Variants in EBF3 observed in about 807,000 individuals in gnomAD.
EBF3 encodes the protein EBF transcription factor 3.
Under a neutral mutation model 77.1 loss-of-function variants are expected in EBF3, and 18 were observed. The ratio of observed to expected loss-of-function variants is 0.23; its 90% CI spans 0.16 to 0.35. The LOEUF is 0.35. Among genes scored for constraint, EBF3 ranks in the 10% least tolerant of loss-of-function variants. The pLI, the probability that EBF3 is intolerant of heterozygous loss-of-function variation, is 1.00. For missense variants in EBF3, 558 were observed against 860.0 expected (o/e 0.65, Z 4.39); for synonymous variants, 350 against 343.5 (o/e 1.02, Z -0.21).
rs1386052306 is a variant in EBF3 at position 129,935,581 on chromosome 10, C to T, written c.554+21677G>A. On this transcript the variant is annotated intron_variant, in intron 6 of 16. Coordinates refer to ENST00000440978, the MANE Select transcript of EBF3 (RefSeq NM_001375380.1). This position sits in a 1 kb window ranked among gnomAD's most constrained non-coding sequence, Gnocchi z 4.2. Reference sequence around the variant, plus strand: ...TAAGGCATGGGGTTAGATACATGCACCCCACAAGGCTGGCGGGCAGCAGGC... The same window carrying T: ...TAAGGCATGGGGTTAGATACATGCATCCCACAAGGCTGGCGGGCAGCAGGC... Among the ~76,000 whole-genome samples, 1 of 152,194 alleles carries T rather than the reference C, an allele frequency of 6.6e-6. No homozygotes were observed. Among genetic ancestry groups the T allele is most frequent in the African/African-American group, 2.4e-5 (1 of 41,466 alleles).
In EBF3 at chr10:129,941,613, C is replaced by T. The variant is rs115125523; in HGVS notation, c.554+15645G>A. ...AGGCCCAAAGCGCTGGGCACTCTGG[C>T]GGCGGTGGAGGTGAGCAGGCAGAGG... On this transcript the variant is annotated intron_variant, in intron 6 of 16. Transcript: ENST00000440978. Among the ~76,000 whole-genome samples the T allele has an allele frequency of 5.7e-3, 865 of 152,254 alleles. 11 individuals carry two copies. The highest frequency in any genetic ancestry group is 0.017 in the African/African-American group (686 of 41,556).
rs1590037851 is a variant in EBF3, at chr10:129,842,039, C to G, written c.1372+77G>C. 3.8e-6 allele frequency: 6 copies of G among 1,583,912 alleles called. No homozygotes were observed. The East Asian group carries it at 1.3e-4, about 35-fold the overall frequency. ...GACATTCCCCAGCTGGCCCTGGACA[C>G]GTGCCTCTTCAGCTAAGGCCTCAAC... On this transcript the variant is annotated intron_variant, in intron 13 of 16. Transcript: ENST00000440978. This position sits in a 1 kb window ranked among gnomAD's most constrained non-coding sequence, Gnocchi z 4.4.
chr10:129,868,709 G>T (rs1022611957), intron 8 of EBF3, among the ~76,000 whole-genome samples: 3 of 152,220 alleles, frequency 2.0e-5, no homozygotes, highest in African/African-American at 7.2e-5. Context: ...GTCCCAGCAC[G>T]GTGCCCTCGG....
intron 6 of EBF3, among the ~76,000 whole-genome samples, chr10:129,934,385 C>T (rs891313472): frequency 6.6e-6 from 1 of 152,144 alleles, no homozygotes; most frequent in Non-Finnish European, 1.5e-5. Flanking sequence ...AACTTGGGGT[C>T]AGGCGTCATC....
At chr10:129,882,854 A>G (rs1853301893) in intron 6 of EBF3, among the ~76,000 whole-genome samples, 1 of 152,202 alleles carries the variant, frequency 6.6e-6, no homozygotes, top group Non-Finnish European at 1.5e-5. Flanking sequence ...TGGGTAATTA[A>G]TACAGCCCAT....
At chr10:129,899,713 G>A (rs867952312) in intron 6 of EBF3, among the ~76,000 whole-genome samples, 1 of 152,040 alleles carries the variant, frequency 6.6e-6, no homozygotes, top group Non-Finnish European at 1.5e-5. Flanking sequence ...CGCCAGCACC[G>A]TGCGTGAAAA....
chr10:129,890,197 T>C (rs1197985132), intron 6 of EBF3, among the ~76,000 whole-genome samples: 2 of 152,322 alleles, frequency 1.3e-5, no homozygotes, highest in African/African-American at 4.8e-5. Flanking sequence ...AGTGGTGTCA[T>C]CTTGCAGTGC....
intron 6 of EBF3, among the ~76,000 whole-genome samples, chr10:129,909,996 A>G (rs1387945472): frequency 6.6e-6 from 1 of 152,232 alleles, no homozygotes; most frequent in Non-Finnish European, 1.5e-5. Flanking sequence ...GGCTCTGCTC[A>G]GCGCCGATGA....
In EBF3 at chr10:129,957,338, T is replaced by A. The variant is rs1452679706; in HGVS notation, c.486-12A>T. 6.3e-7 allele frequency: 1 copy of A among 1,599,692 alleles called. No individual in the cohort carries two copies. The highest frequency in any genetic ancestry group is 1.3e-5 in the African/African-American group (1 of 74,322). ...TGTCACAGCACCGGCTGTGGAGCAA[T>A]TGTAAACAGTGGTTTTAATATGCAT... On this transcript the variant is annotated splice_polypyrimidine_tract_variant and intron_variant, in intron 5 of 16. Transcript: ENST00000440978.
intron 6 of EBF3, among the ~76,000 whole-genome samples, chr10:129,900,391 G>A (rs983943917): frequency 6.6e-6 from 1 of 152,214 alleles, no homozygotes; most frequent in Non-Finnish European, 1.5e-5. Context: ...GAGCAAGGAT[G>A]GGGGGTAGGA....
chr10:129,919,179 A>T (rs1402547179), intron 6 of EBF3, among the ~76,000 whole-genome samples: 2 of 152,148 alleles, frequency 1.3e-5, no homozygotes, highest in Non-Finnish European at 2.9e-5. Flanking sequence ...GAAATCCAAG[A>T]TGGCAATTAA....
chr10:129,855,691 CACCACCCAGTAAAA>C (rs1851204239), intron 10 of EBF3, among the ~76,000 whole-genome samples: 1 of 152,156 alleles, frequency 6.6e-6, no homozygotes, highest in African/African-American at 2.4e-5. Context: ...AAGGAAGAGA[CACCACCCAGTAAAA>C]GCCACCCTCA....
chr10:129,937,839 A>T (rs1360793379), intron 6 of EBF3, among the ~76,000 whole-genome samples: 1 of 152,226 alleles, frequency 6.6e-6, no homozygotes, highest in Non-Finnish European at 1.5e-5. Flanking sequence ...ACTGTGCTTG[A>T]CAACTGCTGA....
At chr10:129,925,260 G>T (rs891910139) in intron 6 of EBF3, among the ~76,000 whole-genome samples, 3 of 151,834 alleles carry the variant, frequency 2.0e-5, no homozygotes, top group African/African-American at 7.3e-5. Flanking sequence ...TGTGAGGGTG[G>T]GGGTGCAAGG....
rs1454529651 is a variant in EBF3, at chr10:129,837,625, C to T, written c.*318G>A. ...TAGCAATTACTAGACATGGCCAAGA[C>T]GGAGTCGGAAACTTTATACAAAATA... On this transcript the variant is annotated 3_prime_UTR_variant, in exon 17 of 17. Transcript: ENST00000440978. The T allele has an allele frequency of 1.1e-5, 4 of 353,216 alleles. No individual in the cohort carries two copies. The highest frequency in any genetic ancestry group is 6.4e-5 in the African/African-American group (3 of 47,140). 21.9% of individuals were successfully genotyped at this position (353,216 alleles called of 1,614,324 possible). A position where few individuals can be genotyped will look rare whatever the true frequency, so the allele number is the denominator to read the frequency against.
chr10:129,860,443 C>T (rs1374267036), intron 10 of EBF3, among the ~76,000 whole-genome samples: 2 of 152,212 alleles, frequency 1.3e-5, no homozygotes, highest in Non-Finnish European at 2.9e-5. Flanking sequence ...CTGTCTGCTA[C>T]ATTTTGTCAG....
At position 129,913,485 on chromosome 10, in the gene EBF3, T is replaced by C. The variant is rs576856470; in HGVS notation, c.555-35636A>G. Reference sequence around the variant, plus strand: ...TGGATAGTTTATTGCTGAAACCATATGTGGGCCTGAGCAGTATGATGAATG... The same window carrying C: ...TGGATAGTTTATTGCTGAAACCATACGTGGGCCTGAGCAGTATGATGAATG... On this transcript the variant is annotated intron_variant, in intron 6 of 16. Transcript: ENST00000440978. Among the ~76,000 whole-genome samples the C allele has an allele frequency of 3.9e-5, 6 of 152,364 alleles. No homozygotes were observed. The South Asian group carries it at 6.2e-4, about 16-fold the overall frequency.
intron 14 of EBF3, 138 bp from the exon 15 acceptor site, chr10:129,840,580 T>G: frequency 9.5e-7 from 1 of 1,048,652 alleles, no homozygotes; most frequent in African/African-American, 1.6e-5. Context: ...GGCCACGCTC[T>G]GGATAACAGG....
At position 129,889,550 on chromosome 10, in the gene EBF3, C is replaced by G. The variant is rs577960373; in HGVS notation, c.555-11701G>C. Among the ~76,000 whole-genome samples, 5 of 152,330 alleles carry G rather than the reference C, an allele frequency of 3.3e-5. No individual in the cohort carries two copies. In the South Asian group the frequency reaches 1.0e-3, roughly 32 times the overall value. On this transcript the variant is annotated intron_variant, in intron 6 of 16. Coordinates refer to ENST00000440978, the MANE Select transcript of EBF3 (RefSeq NM_001375380.1). ...CAAACTCTGCAGCCTCCCTGCACCCCCCACCCGCTAAACAGCCAGCAACAC... is the reference window on the plus strand; with the variant it reads ...CAAACTCTGCAGCCTCCCTGCACCCGCCACCCGCTAAACAGCCAGCAACAC...
Sources: allele counts gnomAD v4.1 joint callset (sites outside exome capture counted in the v4.1 genomes callset), GRCh38; gene constraint gnomAD v4.1.1; non-coding constraint Gnocchi (gnomAD v3.1); transcripts MANE v1.5; gene names NCBI Gene and HGNC (gene_info 2026-07-23, HGNC 2026-07-21).